CELF4: variants seen among roughly 807,000 people sequenced by gnomAD.
The protein encoded by CELF4 is CUGBP Elav-like family member 4, also known as CUG-BP- and ETR-3-like factor 4.
Under a neutral mutation model 59.9 loss-of-function variants are expected in CELF4, and 18 were observed. The ratio of observed to expected loss-of-function variants is 0.30; its 90% CI spans 0.21 to 0.45. The LOEUF (loss-of-function observed/expected upper bound fraction) is 0.45, where lower values mean the gene tolerates loss of function less well. CELF4 is among the 20% of genes least tolerant of loss of function. The pLI, the probability that CELF4 is intolerant of heterozygous loss-of-function variation, is 1.00. For synonymous variants in CELF4, 261 were observed against 267.1 expected (o/e 0.98, Z 0.22); for missense variants, 456 against 689.0 (o/e 0.66, Z 3.79).
intron 2 of CELF4, among the ~76,000 whole-genome samples, chr18:37,480,183 C>A (rs990133320): frequency 6.6e-6 from 1 of 152,118 alleles, no homozygotes; most frequent in East Asian, 1.9e-4. Flanking sequence ...AGAACAGGAC[C>A]GGGGAACTGG....
rs1260680148 is a variant in CELF4, at chr18:37,243,483, A to T, written c.*1759T>A. On this transcript the variant is annotated 3_prime_UTR_variant, in exon 13 of 13. Coordinates refer to ENST00000420428, the MANE Select transcript of CELF4 (RefSeq NM_020180.4). ...ATACTTTAAAATATATGTGTTCTTA[A>T]ATAATTCAGTGTTTTTTCTGATTCT... 1.3e-5 allele frequency: 2 copies of T among 152,160 alleles called. No individual in the cohort carries two copies. Among genetic ancestry groups the T allele is most frequent in the Non-Finnish European group, 2.9e-5 (2 of 68,016 alleles). The allele number at this position is 152,160 out of a possible 1,614,324, so 9.4% of individuals were successfully genotyped here.
chr18:37,562,413 C>A (rs866658029), intron 1 of CELF4, among the ~76,000 whole-genome samples: 2 of 148,854 alleles, frequency 1.3e-5, no homozygotes, highest in South Asian at 2.1e-4. Context: ...AACATGACAT[C>A]CAAACTGGAG....
intron 2 of CELF4, among the ~76,000 whole-genome samples, chr18:37,443,597 G>A (rs1156453617): frequency 2.0e-5 from 3 of 152,150 alleles, no homozygotes; most frequent in Non-Finnish European, 4.4e-5. Flanking sequence ...CTGAATGGCT[G>A]GAGAGTGGCT....
At chr18:37,392,717 T>C (rs1301809422) in intron 2 of CELF4, among the ~76,000 whole-genome samples, 1 of 152,186 alleles carries the variant, frequency 6.6e-6, no homozygotes, top group Non-Finnish European at 1.5e-5. Flanking sequence ...CAAACTCAGA[T>C]GGATTTTGTT....
Position 37,371,470 on chromosome 18 carries a change from C to A in CELF4, c.370-49589G>T, listed in dbSNP as rs113261925. Among the ~76,000 whole-genome samples, 978 of 152,324 alleles carry A rather than the reference C, an allele frequency of 6.4e-3. 5 individuals carry two copies. The highest frequency in any genetic ancestry group is 0.011 in the Admixed American group (161 of 15,302). ...AGCCCTTTGTGGCCATCTTGCCCAG[C>A]GCCTTCTCTGCAGGAATGTAGCAGC... On this transcript the variant is annotated intron_variant, in intron 2 of 12. Coordinates refer to ENST00000420428, the MANE Select transcript of CELF4 (RefSeq NM_020180.4).
At chr18:37,368,900 C>T (rs1200855927) in intron 2 of CELF4, among the ~76,000 whole-genome samples, 3 of 152,232 alleles carry the variant, frequency 2.0e-5, no homozygotes, top group African/African-American at 7.2e-5. Context: ...AACACCTGGG[C>T]ATCCCTGTTT....
chr18:37,530,112 T>C (rs150609298), intron 1 of CELF4, among the ~76,000 whole-genome samples: 140 of 152,330 alleles, frequency 9.2e-4, no homozygotes, highest in East Asian at 8.9e-3. Context: ...AGTCAGACTC[T>C]CTTCCGGCCA....
At chr18:37,434,510 T>C (rs1893372) in intron 2 of CELF4, among the ~76,000 whole-genome samples, 54,344 of 152,030 alleles carry the variant, frequency 0.36, 10,338 homozygotes, top group East Asian at 0.61. Flanking sequence ...TCATTTCCCC[T>C]GCCCAACCTC....
chr18:37,451,562 G>A (rs2099764199), intron 2 of CELF4, among the ~76,000 whole-genome samples: 1 of 152,132 alleles, frequency 6.6e-6, no homozygotes, highest in Non-Finnish European at 1.5e-5. Flanking sequence ...TGTGTCTGTG[G>A]TTTGGTCCAC....
At chr18:37,411,372 G>A (rs930189885) in intron 2 of CELF4, among the ~76,000 whole-genome samples, 2 of 152,270 alleles carry the variant, frequency 1.3e-5, no homozygotes, top group Admixed American at 6.5e-5. Flanking sequence ...GTGGGCATGT[G>A]GCTGCATTGT....
intron 2 of CELF4, among the ~76,000 whole-genome samples, chr18:37,454,395 C>T (rs1569569466): frequency 1.3e-5 from 2 of 152,326 alleles, no homozygotes; most frequent in East Asian, 3.9e-4. Flanking sequence ...GACCTTTAGG[C>T]TCCTCCAGTG....
chr18:37,413,013 C>T (rs1013096976), intron 2 of CELF4, among the ~76,000 whole-genome samples: 1 of 151,900 alleles, frequency 6.6e-6, no homozygotes. Context: ...CCCTCCCCGC[C>T]CAGGCTGTGC....
At chr18:37,551,123 C>A (rs1419525430) in intron 1 of CELF4, among the ~76,000 whole-genome samples, 1 of 152,078 alleles carries the variant, frequency 6.6e-6, no homozygotes, top group Non-Finnish European at 1.5e-5. Flanking sequence ...ACTGGAAGAC[C>A]AACACTAGTG....
intron 2 of CELF4, among the ~76,000 whole-genome samples, chr18:37,484,882 T>C (rs2099877551): frequency 6.6e-6 from 1 of 152,168 alleles, no homozygotes; most frequent in Admixed American, 6.5e-5. Context: ...TCAGCAGCCG[T>C]ATATCTCTCC....
chr18:37,412,408 C>A (rs553242940), intron 2 of CELF4, among the ~76,000 whole-genome samples: 1 of 152,224 alleles, frequency 6.6e-6, no homozygotes, highest in Non-Finnish European at 1.5e-5. Flanking sequence ...TTAGTCCAGG[C>A]CTGAATTTTC....
intron 2 of CELF4, among the ~76,000 whole-genome samples, chr18:37,405,040 G>T (rs2099367088): frequency 6.6e-6 from 1 of 152,184 alleles, no homozygotes; most frequent in East Asian, 1.9e-4. Flanking sequence ...TTCACCCACG[G>T]GGCCACTCTC....
chr18:37,296,388 GT>G (rs1230044398), intron 3 of CELF4, among the ~76,000 whole-genome samples: 1 of 152,180 alleles, frequency 6.6e-6, no homozygotes, highest in Non-Finnish European at 1.5e-5. Flanking sequence ...TAGAAACAGG[GT>G]TTTGCCATGT....
chr18:37,344,305 G>A (rs2098168851), intron 2 of CELF4, among the ~76,000 whole-genome samples: 1 of 152,216 alleles, frequency 6.6e-6, no homozygotes, highest in Admixed American at 6.5e-5. Context: ...CACATGGCAA[G>A]CAACCCGTGA....
chr18:37,296,263 C>T (rs1014086185), intron 3 of CELF4, among the ~76,000 whole-genome samples: 1 of 152,242 alleles, frequency 6.6e-6, no homozygotes, highest in Admixed American at 6.5e-5. Flanking sequence ...TCAAGCCATC[C>T]TCCCACCTCA....
Sources: gnomAD v4.1 joint callset for allele counts (sites outside exome capture counted in the v4.1 genomes callset) on GRCh38, gnomAD v4.1.1 for gene constraint, MANE v1.5 for transcripts, NCBI Gene and HGNC (gene_info 2026-07-23, HGNC 2026-07-21) for gene names.